ITIH5: variants seen among roughly 807,000 people sequenced by gnomAD.
ITIH5 encodes inter-alpha-trypsin inhibitor heavy chain H5.
ITIH5 carries 65 observed loss-of-function variants against 77.5 expected under a neutral mutation model. The observed-to-expected ratio is 0.84, with a 90% confidence interval of 0.69 to 1.03. ITIH5 has a LOEUF of 1.03. Among genes scored for constraint, ITIH5 ranks in the 50% least tolerant of loss-of-function variants. The probability of loss-of-function intolerance (pLI) is 0.00; values close to 1 mark genes in which losing one functional copy is unlikely to be tolerated. For synonymous variants in ITIH5, 525 were observed against 494.3 expected, an observed-to-expected ratio of 1.06 and a Z score of -0.82; for missense variants, 1,208 against 1,213.1, an observed-to-expected ratio of 1.00 and a Z score of 0.06.
At chr10:7,643,023 A>G (rs564288126) in intron 2 of ITIH5, among the ~76,000 whole-genome samples, 2 of 152,160 alleles carry the variant, frequency 1.3e-5, no homozygotes, top group African/African-American at 4.8e-5. Flanking sequence ...CCTTTGGGAG[A>G]AATTGATTTA....
At position 7,562,512 on chromosome 10, in the gene ITIH5, G is replaced by A. The variant is rs74577999; in HGVS notation, c.*571C>T. 2 of 152,794 alleles carry A rather than the reference G, an allele frequency of 1.3e-5. No homozygotes were observed. The highest frequency in any genetic ancestry group is 2.9e-5 in the Non-Finnish European group (2 of 68,502). The allele number at this position is 152,794 out of a possible 1,614,324, so 9.5% of individuals were successfully genotyped here. ...AGAAGAAAAACGTCTTGCAAGAAAA[G>A]ACTTCATGGTTTACAACGATCAAAT... On this transcript the variant is annotated 3_prime_UTR_variant, in exon 14 of 14. Coordinates refer to ENST00000397146, the MANE Select transcript of ITIH5 (RefSeq NM_030569.7).
intron 3 of ITIH5, among the ~76,000 whole-genome samples, chr10:7,641,691 AGGG>A (rs1304925262): frequency 5.3e-5 from 4 of 75,868 alleles, no homozygotes; most frequent in African/African-American, 2.1e-4. Flanking sequence ...GGAGGGAGGG[AGGG>A]AGGGAGGGAG....
chr10:7,658,438 A>G (rs1834222553), intron 1 of ITIH5, among the ~76,000 whole-genome samples: 1 of 152,212 alleles, frequency 6.6e-6, no homozygotes, highest in African/African-American at 2.4e-5. Context: ...GTAAGAACCT[A>G]TTGATGAAAG....
intron 1 of ITIH5, among the ~76,000 whole-genome samples, chr10:7,660,324 T>C (rs546016086): frequency 3.9e-5 from 6 of 152,182 alleles, no homozygotes; most frequent in Non-Finnish European, 7.3e-5. Context: ...GCTGTGGAGA[T>C]GTGTCTTGGA....
chr10:7,619,146 C>T (rs1012172667), intron 5 of ITIH5: 2 of 152,312 alleles, frequency 1.3e-5, no homozygotes, highest in Non-Finnish European at 2.9e-5. Context: ...ACCCATTAGA[C>T]AGGACAAAGA....
intron 8 of ITIH5, among the ~76,000 whole-genome samples, chr10:7,583,444 T>C (rs1294418271): frequency 1.3e-5 from 2 of 152,220 alleles, no homozygotes; most frequent in Non-Finnish European, 2.9e-5. Context: ...GCAATTCTCC[T>C]GCCTCAGCCT....
chr10:7,609,990 G>A (rs1284843032), intron 7 of ITIH5, among the ~76,000 whole-genome samples: 1 of 151,470 alleles, frequency 6.6e-6, no homozygotes, highest in Non-Finnish European at 1.5e-5. Flanking sequence ...AATGCTTTAA[G>A]CATGCAACTA....
chr10:7,645,187 G>T (rs1040128993), intron 2 of ITIH5, among the ~76,000 whole-genome samples: 1 of 151,904 alleles, frequency 6.6e-6, no homozygotes, highest in Non-Finnish European at 1.5e-5. Flanking sequence ...AGGGGGATGT[G>T]CATCTTTCTT....
chr10:7,586,083 A>G lies in ITIH5; in HGVS notation c.940-14T>C, dbSNP rs552327838. On this transcript the variant is annotated splice_polypyrimidine_tract_variant and intron_variant, in intron 7 of 13. Transcript: ENST00000397146. ...GGCATCCTTGGTCTAGGCAAACACAAAAGCAAAACCAGTCACAGCTGCTCA... is the reference window on the plus strand; with the variant it reads ...GGCATCCTTGGTCTAGGCAAACACAGAAGCAAAACCAGTCACAGCTGCTCA... The G allele has an allele frequency of 8.1e-6, 13 of 1,608,592 alleles. No individual in the cohort carries two copies. Among genetic ancestry groups the G allele is most frequent in the Non-Finnish European group, 5.1e-6 (6 of 1,177,808 alleles).
At chr10:7,568,589 A>C (rs1335029122) in intron 12 of ITIH5, among the ~76,000 whole-genome samples, 1 of 152,212 alleles carries the variant, frequency 6.6e-6, no homozygotes, top group Non-Finnish European at 1.5e-5. Context: ...AAGGAACCCC[A>C]GGATCAAACT....
intron 5 of ITIH5, among the ~76,000 whole-genome samples, chr10:7,631,708 A>T (rs1345153475): frequency 6.6e-6 from 1 of 152,144 alleles, no homozygotes. Flanking sequence ...GGTGGAAAAG[A>T]GGAACAAAAT....
chr10:7,613,207 T>C (rs1419014511), intron 7 of ITIH5, among the ~76,000 whole-genome samples: 1 of 149,844 alleles, frequency 6.7e-6, no homozygotes, highest in Non-Finnish European at 1.5e-5. Context: ...GATCATGCCA[T>C]TGCACTCCAG....
rs78236573 is a variant in ITIH5 at position 7,569,873 on chromosome 10, A to C, written c.2033-89T>G. On this transcript the variant is annotated intron_variant, in intron 11 of 13. Transcript: ENST00000397146. The stretch of plus-strand genomic sequence containing the variant: ...GGTGCTACTCTCTATTTTCTCATGA[A>C]TTATTTTATTGAATCCTGAAAACTA... The C allele has an allele frequency of 0.011, 7,438 of 654,564 alleles. 463 individuals are homozygous for C. The African/African-American group carries it at 0.12, about 11-fold the overall frequency. 40.5% of individuals were successfully genotyped at this position (654,564 alleles called of 1,614,324 possible).
At chr10:7,629,688 C>T (rs928783886) in intron 5 of ITIH5, among the ~76,000 whole-genome samples, 6 of 152,164 alleles carry the variant, frequency 3.9e-5, no homozygotes, top group Non-Finnish European at 7.3e-5. Context: ...TTCCATTGTA[C>T]GCATATACCA....
At chr10:7,641,857 A>G in intron 3 of ITIH5, 70 bp downstream of exon 3, 1 of 1,280,270 alleles carries the variant, frequency 7.8e-7, no homozygotes, top group Non-Finnish European at 1.1e-6. Flanking sequence ...AAGGCTGTGG[A>G]CCTCACATCT....
At chr10:7,595,745 A>G (rs1364797397) in intron 7 of ITIH5, among the ~76,000 whole-genome samples, 13 of 152,202 alleles carry the variant, frequency 8.5e-5, no homozygotes, top group Admixed American at 8.5e-4. Flanking sequence ...GTGGTGGCTC[A>G]CGCCTGTAAT....
chr10:7,597,304 G>A (rs1164990915), intron 7 of ITIH5, among the ~76,000 whole-genome samples: 1 of 152,146 alleles, frequency 6.6e-6, no homozygotes, highest in Non-Finnish European at 1.5e-5. Context: ...GACCCAGCAG[G>A]CAGGAGGTCC....
chr10:7,639,241 G>A (rs960576513), intron 4 of ITIH5, among the ~76,000 whole-genome samples: 2 of 152,172 alleles, frequency 1.3e-5, no homozygotes, highest in Admixed American at 6.5e-5. Context: ...GGGGAAGGAT[G>A]GAGTATAGGT....
intron 7 of ITIH5, among the ~76,000 whole-genome samples, chr10:7,594,083 C>T (rs953785467): frequency 6.6e-6 from 1 of 152,270 alleles, no homozygotes; most frequent in Non-Finnish European, 1.5e-5. Flanking sequence ...GCCAGGAGCA[C>T]AGTCCAGAGA....
Sources: allele counts gnomAD v4.1 joint callset (sites outside exome capture counted in the v4.1 genomes callset), GRCh38; gene constraint gnomAD v4.1.1; transcripts MANE v1.5; gene names NCBI Gene and HGNC (gene_info 2026-07-23, HGNC 2026-07-21).